The following LRRFIP2 variants were observed in gnomAD, a reference collection of about 807,000 sequenced individuals.
LRRFIP2 encodes the protein LRR binding FLII interacting protein 2.
In LRRFIP2, 109 loss-of-function variants were observed where a neutral mutation model predicts 125.9. The observed-to-expected ratio is 0.87, with a 90% confidence interval of 0.74 to 1.01. The LOEUF (loss-of-function observed/expected upper bound fraction) is 1.01. LRRFIP2 is among the 50% of genes least tolerant of loss of function. LRRFIP2 has a pLI of 0.00. For missense variants in LRRFIP2, 850 were observed against 862.3 expected (o/e 0.99, Z 0.18); for synonymous variants, 291 against 293.1 (o/e 0.99, Z 0.07).
In LRRFIP2 at chr3:37,060,806, C is replaced by G. The variant is rs942117360; in HGVS notation, c.1750-1896G>C. ...TCACCATTTATTAAATAGCTCCCAACTTGCACTCCCTCTAGACTATTCCTG... is the reference window on the plus strand; with the variant it reads ...TCACCATTTATTAAATAGCTCCCAAGTTGCACTCCCTCTAGACTATTCCTG... On this transcript the variant is annotated intron_variant, in intron 24 of 27. Coordinates refer to ENST00000336686, the MANE Select transcript of LRRFIP2 (RefSeq NM_006309.4). The surrounding 1 kb of genome is among the most constrained non-coding windows in gnomAD (Gnocchi z 4.1). Among the ~76,000 whole-genome samples the G allele has an allele frequency of 2.0e-5, 3 of 152,194 alleles. No homozygotes were observed. The highest frequency in any genetic ancestry group is 7.2e-5 in the African/African-American group (3 of 41,438).
Position 37,149,037 on chromosome 3 carries a change from C to T in LRRFIP2, c.-54G>A, listed in dbSNP as rs1335404235. Reference sequence around the variant, plus strand: ...GAAAGTGATTTAACTGTGTTTTCAGCCCTGAAGTAAACAAAAACATAATAA... The same window carrying T: ...GAAAGTGATTTAACTGTGTTTTCAGTCCTGAAGTAAACAAAAACATAATAA... On this transcript the variant is annotated splice_region_variant and 5_prime_UTR_variant, in exon 2 of 28. Transcript: ENST00000336686. The T allele has an allele frequency of 3.1e-6, 5 of 1,596,024 alleles. No homozygotes were observed. The highest frequency in any genetic ancestry group is 4.3e-6 in the Non-Finnish European group (5 of 1,172,550).
At chr3:37,159,287 A>G (rs2096274402) in intron 1 of LRRFIP2, among the ~76,000 whole-genome samples, 1 of 152,206 alleles carries the variant, frequency 6.6e-6, no homozygotes, top group African/African-American at 2.4e-5. Flanking sequence ...TCAAAAATCA[A>G]CTGACCATAA....
At chr3:37,101,943 G>A (rs17204801) in intron 15 of LRRFIP2, among the ~76,000 whole-genome samples, 55,145 of 151,960 alleles carry the variant, frequency 0.36, 10,944 homozygotes, top group Non-Finnish European at 0.45. Context: ...GAATGTGGGA[G>A]CAATGGATAG....
At chr3:37,054,339 G>C in intron 27 of LRRFIP2, 72 bp downstream of exon 27, 1 of 1,260,118 alleles carries the variant, frequency 7.9e-7, no homozygotes, top group South Asian at 1.3e-5. Context: ...TTCTTACACA[G>C]CTAAGAATTA....
Position 37,058,740 on chromosome 3 carries a change from G to A in LRRFIP2, c.1870+50C>T, listed in dbSNP as rs116287641. The stretch of plus-strand genomic sequence containing the variant: ...GCAACCTGCTGACAAACCCACCCCT[G>A]GGACACAGTCTATATACAGACTGGG... On this transcript the variant is annotated intron_variant, in intron 25 of 27. Transcript: ENST00000336686. 1,553 of 1,588,696 alleles carry A rather than the reference G, an allele frequency of 9.8e-4. 12 individuals carry two copies. In the African/African-American group the frequency reaches 0.017, roughly 18 times the overall value.
rs764072052 is a variant in LRRFIP2 at position 37,083,750 on chromosome 3, CTGTGCA to C, written c.1158_1163del (p.Asn386_Gln388delinsLys). 6.2e-7 allele frequency: 1 copy of C among 1,601,964 alleles called. No individual in the cohort carries two copies. Among genetic ancestry groups the C allele is most frequent in the East Asian group, 2.3e-5 (1 of 43,946 alleles). On this transcript the variant is annotated inframe_deletion, in exon 19 of 28. Transcript: ENST00000336686. Reference sequence around the variant, plus strand: ...TCAAATTGTTCTTCTCATTGTCTAACTGTGCATTGGAAACCATGGCTTTCTTGTATT... The same window carrying C: ...TCAAATTGTTCTTCTCATTGTCTAACTTGGAAACCATGGCTTTCTTGTATT...
intron 14 of LRRFIP2, among the ~76,000 whole-genome samples, chr3:37,103,741 C>T (rs1297638727): frequency 6.6e-6 from 1 of 152,170 alleles, no homozygotes; most frequent in African/African-American, 2.4e-5. Flanking sequence ...GGTTCCCTAT[C>T]ACATTATCTG....
intron 2 of LRRFIP2, among the ~76,000 whole-genome samples, chr3:37,143,000 C>G (rs922298065): frequency 1.3e-5 from 2 of 152,104 alleles, no homozygotes; most frequent in African/African-American, 2.4e-5. Context: ...TTCAACACAA[C>G]AGTAAGTTCT....
intron 19 of LRRFIP2, among the ~76,000 whole-genome samples, chr3:37,075,728 A>C (rs570328187): frequency 1.3e-5 from 2 of 152,148 alleles, no homozygotes; most frequent in Admixed American, 1.3e-4. Flanking sequence ...AAAGAAAAAC[A>C]CAAGAAAAAG....
intron 21 of LRRFIP2, among the ~76,000 whole-genome samples, chr3:37,070,696 C>T (rs1212748030): frequency 1.3e-5 from 2 of 152,092 alleles, no homozygotes; most frequent in African/African-American, 4.8e-5. Flanking sequence ...TGCCACTATA[C>T]TCCAGCCTTG....
At chr3:37,079,296 G>A (rs542508318) in intron 19 of LRRFIP2, among the ~76,000 whole-genome samples, 45 of 152,270 alleles carry the variant, frequency 3.0e-4, no homozygotes, top group African/African-American at 1.0e-3. Flanking sequence ...GTGAGGATGT[G>A]GGGAAATCAA....
intron 13 of LRRFIP2, among the ~76,000 whole-genome samples, chr3:37,106,168 A>C (rs950554341): frequency 6.6e-6 from 1 of 152,246 alleles, no homozygotes; most frequent in Non-Finnish European, 1.5e-5. Flanking sequence ...TCAGGGGTCA[A>C]CAAATATACT....
At chr3:37,110,653 G>C (rs948932614) in intron 9 of LRRFIP2, among the ~76,000 whole-genome samples, 2 of 151,896 alleles carry the variant, frequency 1.3e-5, no homozygotes, top group African/African-American at 4.8e-5. Context: ...ATGGTTAGAG[G>C]GTCAAATAGA....
At chr3:37,088,890 T>G (rs940236652) in intron 18 of LRRFIP2, among the ~76,000 whole-genome samples, 1 of 151,950 alleles carries the variant, frequency 6.6e-6, no homozygotes, top group Non-Finnish European at 1.5e-5. Context: ...TAAAAATAAA[T>G]AATACAGATA....
intron 18 of LRRFIP2, among the ~76,000 whole-genome samples, chr3:37,089,292 C>T (rs946420658): frequency 7.9e-5 from 12 of 152,026 alleles, no homozygotes; most frequent in Non-Finnish European, 7.4e-5. Flanking sequence ...GGTAATAGTA[C>T]ACATGAATAT....
chr3:37,167,515 G>A (rs577111401), intron 1 of LRRFIP2, among the ~76,000 whole-genome samples: 54 of 151,718 alleles, frequency 3.6e-4, no homozygotes, highest in African/African-American at 1.0e-3. Flanking sequence ...TTAGCCGGGC[G>A]TGGTGGCGGG....
chr3:37,124,007 C>T (rs1187575476), intron 4 of LRRFIP2, among the ~76,000 whole-genome samples: 1 of 152,158 alleles, frequency 6.6e-6, no homozygotes, highest in Non-Finnish European at 1.5e-5. Flanking sequence ...CTGAAAACTA[C>T]AGAATAAAAT....
At chr3:37,056,930 C>T (rs2087057809) in intron 25 of LRRFIP2, among the ~76,000 whole-genome samples, 2 of 152,134 alleles carry the variant, frequency 1.3e-5, no homozygotes. Flanking sequence ...ACCACCTTTC[C>T]CTTCCTGTTT....
intron 1 of LRRFIP2, among the ~76,000 whole-genome samples, chr3:37,165,087 T>C (rs149330655): frequency 6.6e-6 from 1 of 151,754 alleles, no homozygotes; most frequent in Non-Finnish European, 1.5e-5. Context: ...TACAAAAAAT[T>C]AGCCAGGCGT....
Sources: gnomAD v4.1 joint callset for allele counts (sites outside exome capture counted in the v4.1 genomes callset) on GRCh38, gnomAD v4.1.1 for gene constraint, Gnocchi (gnomAD v3.1) non-coding constraint, MANE v1.5 for transcripts, NCBI Gene and HGNC (gene_info 2026-07-23, HGNC 2026-07-21) for gene names.